Variants in PPP4R1 observed in about 807,000 individuals in gnomAD.
PPP4R1 encodes protein phosphatase 4 regulatory subunit 1.
PPP4R1 carries 42 observed loss-of-function variants against 111.2 expected under a neutral mutation model. The observed-to-expected ratio is 0.38, with a 90% CI of 0.29 to 0.49. The LOEUF is 0.49. PPP4R1 is among the 20% of genes least tolerant of loss of function. The pLI, the probability that PPP4R1 is intolerant of heterozygous loss-of-function variation, is 0.97. For synonymous variants in PPP4R1, 409 were observed against 405.5 expected, an observed-to-expected ratio of 1.01 and a Z score of -0.10; for missense variants, 1,012 against 1,161.6, an observed-to-expected ratio of 0.87 and a Z score of 1.87.
At chr18:9,574,964 C>G (rs148632335) in intron 10 of PPP4R1, among the ~76,000 whole-genome samples, 1 of 152,192 alleles carries the variant, frequency 6.6e-6, no homozygotes, top group Non-Finnish European at 1.5e-5. Flanking sequence ...TATTTCAACT[C>G]TGCTTCTGAG....
chr18:9,602,413 G>T (rs2067401935), intron 2 of PPP4R1, among the ~76,000 whole-genome samples: 1 of 149,918 alleles, frequency 6.7e-6, no homozygotes, highest in African/African-American at 2.5e-5. Flanking sequence ...GGGCGTGGTG[G>T]CGGGCGCCTG....
At chr18:9,616,736 T>C (rs999967690), upstream of PPP4R1, among the ~76,000 whole-genome samples, 2 of 152,214 alleles carry the variant, frequency 1.3e-5, no homozygotes, top group Non-Finnish European at 2.9e-5. Context: ...AAATAGGGAC[T>C]ATGTACCAAA....
intron 2 of PPP4R1, among the ~76,000 whole-genome samples, chr18:9,605,352 C>T (rs2067460459): frequency 6.6e-6 from 1 of 152,096 alleles, no homozygotes; most frequent in African/African-American, 2.4e-5. Flanking sequence ...ATCATCAACA[C>T]ATTCTAACAC....
At chr18:9,612,234 T>C (rs1366825794) in intron 2 of PPP4R1, among the ~76,000 whole-genome samples, 1 of 152,144 alleles carries the variant, frequency 6.6e-6, no homozygotes, top group East Asian at 1.9e-4. Flanking sequence ...CTCTATGAAG[T>C]AGGTAATATT....
intron 12 of PPP4R1, 126 bp downstream of exon 12, chr18:9,563,245 CAAAACGA>C (rs2066706576): frequency 7.9e-7 from 1 of 1,268,596 alleles, no homozygotes. Flanking sequence ...TTACTTTATG[CAAAACGA>C]AGAGCTAAAA....
chr18:9,582,615 C>T (rs188234474), intron 9 of PPP4R1, among the ~76,000 whole-genome samples: 5 of 152,222 alleles, frequency 3.3e-5, no homozygotes, highest in African/African-American at 1.2e-4. Context: ...TAATCAATAA[C>T]AATTCTTCAA....
chr18:9,596,994 C>A (rs2067300270), intron 2 of PPP4R1, among the ~76,000 whole-genome samples: 1 of 152,112 alleles, frequency 6.6e-6, no homozygotes, highest in South Asian at 2.1e-4. Context: ...CAGAGCCAGG[C>A]ATGCTGATAG....
intron 9 of PPP4R1, 118 bp downstream of exon 9, chr18:9,582,999 A>G (rs2067055182): frequency 1.8e-5 from 18 of 996,960 alleles, no homozygotes; most frequent in Non-Finnish European, 2.4e-5. Flanking sequence ...TCTATTCCTA[A>G]AAGTATAAAA....
intron 13 of PPP4R1, among the ~76,000 whole-genome samples, chr18:9,561,760 G>A (rs1460454663): frequency 6.6e-6 from 1 of 152,088 alleles, no homozygotes; most frequent in Non-Finnish European, 1.5e-5. Context: ...GTGTGATCGT[G>A]GTCACTCTGA....
intron 4 of PPP4R1, among the ~76,000 whole-genome samples, chr18:9,591,251 G>A (rs1275750598): frequency 6.6e-6 from 1 of 151,712 alleles, no homozygotes; most frequent in Admixed American, 6.6e-5. Context: ...AGAGGCTGAG[G>A]CAGAAGAATC....
At chr18:9,553,748 C>T (rs1201364059) in intron 15 of PPP4R1, among the ~76,000 whole-genome samples, 1 of 152,230 alleles carries the variant, frequency 6.6e-6, no homozygotes, top group East Asian at 1.9e-4. Context: ...GCCATGGCCC[C>T]GCTTAAGGCA....
chr18:9,592,394 T>C (rs531107273), intron 4 of PPP4R1, among the ~76,000 whole-genome samples: 2 of 152,214 alleles, frequency 1.3e-5, no homozygotes, highest in African/African-American at 4.8e-5. Context: ...CTATACCTCA[T>C]CTATCAAATC....
chr18:9,564,336 C>A (rs1410171193), intron 11 of PPP4R1, among the ~76,000 whole-genome samples: 1 of 152,244 alleles, frequency 6.6e-6, no homozygotes, highest in Middle Eastern at 3.4e-3. Context: ...TAAATTCAAA[C>A]ATTTTAAACA....
chr18:9,563,385 GCATCGC>G lies in PPP4R1; in HGVS notation c.1733_1738del (p.Ser578_Ala580delinsThr). On this transcript the variant is annotated inframe_deletion, in exon 12 of 20. Transcript: ENST00000400556. The stretch of plus-strand genomic sequence containing the variant: ...CTTTACTGAGTTTGTTACCTCAACA[GCATCGC>G]TGATTAAAGGCACAGAATCTTCTTG... 1.2e-6 allele frequency: 2 copies of G among 1,610,154 alleles called. No homozygotes were observed. The highest frequency in any genetic ancestry group is 1.7e-6 in the Non-Finnish European group (2 of 1,178,052).
chr18:9,585,934 G>C (rs1213134594), intron 6 of PPP4R1, among the ~76,000 whole-genome samples: 1 of 151,994 alleles, frequency 6.6e-6, no homozygotes, highest in African/African-American at 2.4e-5. Flanking sequence ...TCTCCAAATT[G>C]ATCTACAGAT....
rs762103039 is a variant in PPP4R1, at chr18:9,570,585, G to A, written c.1145C>T (p.Thr382Met). 1.9e-6 allele frequency: 3 copies of A among 1,614,100 alleles called. No individual in the cohort carries two copies. Among genetic ancestry groups the A allele is most frequent in the African/African-American group, 1.3e-5 (1 of 75,032 alleles). ...VSNSSVILENTMEDHAAEASG... is the reference protein window; with the variant it reads ...VSNSSVILENMMEDHAAEASG... The stretch of plus-strand genomic sequence containing the variant: ...TGCCTCAGCAGCATGGTCTTCCATC[G>A]TGTTTTCCAGTATGACACTGGAATT... Residue 382 changes from threonine to methionine, a missense_variant, in exon 11 of 20, where the codon ACG becomes ATG. Coordinates refer to ENST00000400556, the MANE Select transcript of PPP4R1 (RefSeq NM_001042388.3).
At chr18:9,564,737 T>TGTGGGGG (rs1475596391) in intron 11 of PPP4R1, among the ~76,000 whole-genome samples, 22 of 68,012 alleles carry the variant, frequency 3.2e-4, no homozygotes, top group African/African-American at 1.5e-3. Context: ...TGTGTGTGTG[T>TGTGGGGG]GGGGGTATCA....
intron 8 of PPP4R1, 143 bp downstream of exon 8, chr18:9,584,372 A>T: frequency 1.6e-6 from 1 of 632,406 alleles, no homozygotes; most frequent in Non-Finnish European, 2.5e-6. Context: ...ACAGATATTT[A>T]AACTCCTAAA....
In PPP4R1 at chr18:9,583,415, G is replaced by A; in HGVS notation, c.760-140C>T. 4 of 868,986 alleles carry A rather than the reference G, an allele frequency of 4.6e-6. 1 individual carries two copies. Among genetic ancestry groups the A allele is most frequent in the Non-Finnish European group, 6.4e-6 (4 of 620,756 alleles). 53.8% of individuals were successfully genotyped at this position (868,986 alleles called of 1,614,324 possible). A position where few individuals can be genotyped will look rare whatever the true frequency, so the allele number is the denominator to read the frequency against. ...AGAGTCTCACTCTTTTGCCCAGGCT[G>A]GAGTGAGGTGGTGCGATCTTGGCTC... On this transcript the variant is annotated intron_variant, in intron 8 of 19. Transcript: ENST00000400556.
Sources: allele counts gnomAD v4.1 joint callset (sites outside exome capture counted in the v4.1 genomes callset), GRCh38; gene constraint gnomAD v4.1.1; transcripts MANE v1.5; gene names NCBI Gene and HGNC (gene_info 2026-07-23, HGNC 2026-07-21).